FAM177A1: variants seen among roughly 807,000 people sequenced by gnomAD.
FAM177A1 encodes the protein family with sequence similarity 177 member A1.
FAM177A1 carries 22 observed loss-of-function variants against 26.1 expected under a neutral mutation model. The observed-to-expected ratio is 0.84, with a 90% CI of 0.60 to 1.20. FAM177A1 has a LOEUF of 1.20. Among genes scored for constraint, FAM177A1 ranks in the 50% most tolerant of loss-of-function variants. The pLI is 0.00. For synonymous variants in FAM177A1, 95 were observed against 99.3 expected (o/e 0.96, Z 0.26); for missense variants, 296 against 291.1 (o/e 1.02, Z -0.12).
chr14:35,046,801 C>T (rs1254887325), intron 1 of FAM177A1, 173 bp downstream of exon 1: 2 of 1,376,032 alleles, frequency 1.5e-6, no homozygotes, highest in East Asian at 3.0e-5. Flanking sequence ...TGGGAAGGAG[C>T]GCCCCCCGCC....
At chr14:35,078,733 T>C (rs1022095442) in intron 3 of FAM177A1, among the ~76,000 whole-genome samples, 194 bp from the exon 4 acceptor site, 2 of 152,146 alleles carry the variant, frequency 1.3e-5, no homozygotes, top group Non-Finnish European at 1.5e-5. Flanking sequence ...AAAAGACTTG[T>C]TGGGAGTTTT....
rs575216155 is a variant in FAM177A1 at position 35,076,216 on chromosome 14, G to A, written c.340-934G>A. Among the ~76,000 whole-genome samples, 24 of 152,240 alleles carry A rather than the reference G, an allele frequency of 1.6e-4. No homozygotes were observed. The East Asian group carries it at 4.6e-3, about 29-fold the overall frequency. Reference sequence around the variant, plus strand: ...CCAAATGTCCATCAATGATAGACTGGGTTAAGAAAATGTGGCACATATACA... The same window carrying A: ...CCAAATGTCCATCAATGATAGACTGAGTTAAGAAAATGTGGCACATATACA... On this transcript the variant is annotated intron_variant, in intron 2 of 4. Coordinates refer to ENST00000280987, the MANE Select transcript of FAM177A1 (RefSeq NM_173607.5).
At chr14:35,046,132 T>C (rs2044855456), upstream of FAM177A1, 1 of 204,854 alleles carries the variant, frequency 4.9e-6, no homozygotes, top group South Asian at 1.5e-4. Context: ...AGGCTTCAGG[T>C]ACACGTACCA....
At chr14:35,046,261 T>A, upstream of FAM177A1, 1 of 487,126 alleles carries the variant, frequency 2.1e-6, no homozygotes, top group East Asian at 3.8e-5. Flanking sequence ...GAGCCGGTAG[T>A]TGCGCCTCCC....
intron 2 of FAM177A1, among the ~76,000 whole-genome samples, chr14:35,073,709 C>T (rs2045356003): frequency 6.6e-6 from 1 of 152,138 alleles, no homozygotes; most frequent in South Asian, 2.1e-4. Context: ...TATCTTTTTC[C>T]TTTAAGGCTT....
At chr14:35,051,504 C>T (rs532691012) in intron 1 of FAM177A1, among the ~76,000 whole-genome samples, 38 of 152,276 alleles carry the variant, frequency 2.5e-4, no homozygotes, top group African/African-American at 9.1e-4. Context: ...CATCCACCTC[C>T]TGGGTTCAAG....
At chr14:35,063,709 A>C (rs2045195484) in intron 2 of FAM177A1, among the ~76,000 whole-genome samples, 1 of 151,946 alleles carries the variant, frequency 6.6e-6, no homozygotes, top group South Asian at 2.1e-4. Context: ...TTATGATTCC[A>C]ATTTTGAAAT....
Position 35,082,268 on chromosome 14 carries a change from C to T in FAM177A1, c.*1040C>T, listed in dbSNP as rs888140227. ...GGTGCTCACACCTGTAATCCCAGCA[C>T]TTTGGGAGGCTGAAGTGGGCAGATT... On this transcript the variant is annotated 3_prime_UTR_variant, in exon 5 of 5. Transcript: ENST00000280987. 6.6e-6 allele frequency: 1 copy of T among 152,120 alleles called. No individual in the cohort carries two copies. 9.4% of individuals were successfully genotyped at this position (152,120 alleles called of 1,614,324 possible). A position where few individuals can be genotyped will look rare whatever the true frequency, so the allele number is the denominator to read the frequency against.
At chr14:35,050,042 CTG>C (rs2044938690) in intron 1 of FAM177A1, 2 of 152,184 alleles carry the variant, frequency 1.3e-5, no homozygotes, top group South Asian at 4.1e-4. Flanking sequence ...GAATCTCACT[CTG>C]TTGCCCAGGC....
intron 2 of FAM177A1, among the ~76,000 whole-genome samples, chr14:35,057,338 G>T (rs541294976): frequency 6.6e-6 from 1 of 152,072 alleles, no homozygotes; most frequent in African/African-American, 2.4e-5. Context: ...AGGGTTTACA[G>T]ATGTGCACCA....
chr14:35,065,765 C>T (rs1193854686), intron 2 of FAM177A1, among the ~76,000 whole-genome samples: 1 of 148,770 alleles, frequency 6.7e-6, no homozygotes, highest in African/African-American at 2.5e-5. Context: ...GACCTCGGCT[C>T]ACTGCAACCT....
intron 3 of FAM177A1, among the ~76,000 whole-genome samples, chr14:35,077,468 C>CTT (rs150813883): frequency 0.019 from 1,518 of 79,598 alleles, 10 homozygotes; most frequent in East Asian, 0.03. Context: ...TTTTCAAGTT[C>CTT]TTTTTTTTTT....
rs372563656 is a variant in FAM177A1, at chr14:35,053,620, C to T, written c.339+169C>T. ...AAATAATATTTTTACATGATATGGA[C>T]GGAAATATTTCCAGCATTTCAGTAG... On this transcript the variant is annotated intron_variant, in intron 2 of 4. Transcript: ENST00000280987. Among the ~76,000 whole-genome samples the T allele has an allele frequency of 3.6e-4, 55 of 152,136 alleles. No individual in the cohort carries two copies. In the South Asian group the frequency reaches 9.7e-3, roughly 27 times the overall value.
chr14:35,059,129 G>A (rs973709532), intron 2 of FAM177A1, among the ~76,000 whole-genome samples: 6 of 151,978 alleles, frequency 3.9e-5, no homozygotes, highest in African/African-American at 1.4e-4. Flanking sequence ...TATTCACCAT[G>A]TTAGCCAGAA....
intron 2 of FAM177A1, among the ~76,000 whole-genome samples, chr14:35,058,969 T>A (rs1263266740): frequency 2.6e-5 from 4 of 152,130 alleles, no homozygotes; most frequent in Non-Finnish European, 5.9e-5. Flanking sequence ...ACGGAGTCAC[T>A]CTGTCGCCCA....
intron 2 of FAM177A1, among the ~76,000 whole-genome samples, chr14:35,067,771 A>G (rs114281423): frequency 0.017 from 2,613 of 152,210 alleles, 79 homozygotes; most frequent in African/African-American, 0.06. Context: ...CCTTTCCTTA[A>G]TGATTAGTGA....
chr14:35,051,632 C>T (rs113195151), intron 1 of FAM177A1, among the ~76,000 whole-genome samples: 10,701 of 152,212 alleles, frequency 0.07, 496 homozygotes, highest in Non-Finnish European at 0.11. Context: ...AGCCTGGTCT[C>T]GAACTCCTCA....
intron 2 of FAM177A1, among the ~76,000 whole-genome samples, chr14:35,054,433 T>A (rs981266010): frequency 5.3e-5 from 8 of 152,182 alleles, no homozygotes; most frequent in African/African-American, 1.9e-4. Flanking sequence ...AGAGTCCAGG[T>A]AATCACATAT....
chr14:35,067,950 A>G (rs1056256981), intron 2 of FAM177A1, among the ~76,000 whole-genome samples: 1 of 152,106 alleles, frequency 6.6e-6, no homozygotes, highest in Admixed American at 6.6e-5. Flanking sequence ...ATGGCTTGCA[A>G]GTATTTTCTC....
Sources: gnomAD v4.1 joint callset for allele counts (sites outside exome capture counted in the v4.1 genomes callset) on GRCh38, gnomAD v4.1.1 for gene constraint, MANE v1.5 for transcripts, NCBI Gene and HGNC (gene_info 2026-07-23, HGNC 2026-07-21) for gene names.